PTPRN2: variants seen among roughly 807,000 people sequenced by gnomAD.
The protein encoded by PTPRN2 is receptor-type tyrosine-protein phosphatase N2.
In PTPRN2, 74 loss-of-function variants were observed where a neutral mutation model predicts 118.8. That is an observed-to-expected ratio of 0.62 (90% confidence interval 0.52 to 0.76). PTPRN2 has a LOEUF of 0.76. PTPRN2 is among the 30% of genes least tolerant of loss of function. PTPRN2 has a pLI of 0.00. For synonymous variants in PTPRN2, 641 were observed against 608.0 expected (o/e 1.05, Z -0.80); for missense variants, 1,481 against 1,394.4 (o/e 1.06, Z -0.99).
intron 11 of PTPRN2, among the ~76,000 whole-genome samples, chr7:158,008,311 T>C (rs1402284460): frequency 6.6e-6 from 1 of 152,226 alleles, no homozygotes; most frequent in Admixed American, 6.5e-5. Context: ...TATGGAATAA[T>C]TGCCCATTCT....
chr7:157,656,406 T>A lies in PTPRN2; in HGVS notation c.2147A>T (p.Glu716Val). Residue 716 changes from glutamate to valine, a missense_variant, in exon 14 of 23, where the codon GAG becomes GTG. By Grantham distance (121) the Glu-to-Val change is moderately radical. This residue lies in a region of PTPRN2 where 1,115 missense variants were observed against 994.2 expected (regional missense o/e 1.12). Coordinates refer to ENST00000389418, the MANE Select transcript of PTPRN2 (RefSeq NM_002847.5). ...SARSSASSWS[E>V]EPVQSNMDIS... The stretch of plus-strand genomic sequence containing the variant: ...GTCCATGTTGGACTGCACAGGCTCC[T>A]CGGACCAGGATGAGGCGCTGCTGCG... 1.9e-6 allele frequency: 3 copies of A among 1,552,986 alleles called. No individual in the cohort carries two copies. The highest frequency in any genetic ancestry group is 1.7e-6 in the Non-Finnish European group (2 of 1,147,970).
intron 12 of PTPRN2, among the ~76,000 whole-genome samples, chr7:157,713,612 G>T (rs965296394): frequency 2.0e-4 from 30 of 152,322 alleles, no homozygotes; most frequent in African/African-American, 7.2e-4. Flanking sequence ...ATACGGCCTA[G>T]GATCTCACCA....
At chr7:158,301,023 G>A (rs1800850876) in intron 3 of PTPRN2, among the ~76,000 whole-genome samples, 1 of 152,164 alleles carries the variant, frequency 6.6e-6, no homozygotes, top group South Asian at 2.1e-4. Flanking sequence ...AACCAGCAAC[G>A]CACGATATAC....
At chr7:158,164,785 A>G (rs1822776991) in intron 6 of PTPRN2, among the ~76,000 whole-genome samples, 1 of 152,134 alleles carries the variant, frequency 6.6e-6, no homozygotes, top group Non-Finnish European at 1.5e-5. Context: ...ACCCCACTAG[A>G]AGGAGTATAG....
intron 13 of PTPRN2, among the ~76,000 whole-genome samples, chr7:157,672,784 C>T (rs2150784358): frequency 6.6e-6 from 1 of 152,320 alleles, no homozygotes; most frequent in East Asian, 1.9e-4. Context: ...AAGTTTAAAC[C>T]TGTATATCAA....
At chr7:158,586,747 G>A (rs1828945885) in intron 1 of PTPRN2, among the ~76,000 whole-genome samples, 3 of 152,228 alleles carry the variant, frequency 2.0e-5, no homozygotes, top group Admixed American at 2.0e-4. Flanking sequence ...TTTCGGCGGC[G>A]CTGCCCGCGG....
intron 1 of PTPRN2, among the ~76,000 whole-genome samples, chr7:158,577,197 G>GACAGC (rs1187750187): frequency 9.2e-6 from 1 of 108,522 alleles, no homozygotes; most frequent in Non-Finnish European, 1.9e-5. Context: ...TGATGCCACA[G>GACAGC]ACAGCATGGG....
intron 5 of PTPRN2, among the ~76,000 whole-genome samples, chr7:158,181,114 T>G (rs1029481976): frequency 6.6e-6 from 1 of 152,328 alleles, no homozygotes; most frequent in Middle Eastern, 3.4e-3. Context: ...GGTAAGTCCC[T>G]TCTGTGCCGA....
intron 1 of PTPRN2, among the ~76,000 whole-genome samples, chr7:158,519,344 G>A (rs1281072743): frequency 6.6e-6 from 1 of 152,166 alleles, no homozygotes; most frequent in East Asian, 1.9e-4. Flanking sequence ...AGTTGGCCAT[G>A]ACAGTTAAAT....
chr7:157,544,409 T>C (rs1403664111), intron 22 of PTPRN2, among the ~76,000 whole-genome samples: 1 of 151,528 alleles, frequency 6.6e-6, no homozygotes, highest in East Asian at 2.0e-4. Context: ...AGGAGGAGGC[T>C]GAGGTCAGGC....
chr7:158,333,486 C>A (rs1209434628), intron 2 of PTPRN2, among the ~76,000 whole-genome samples: 41 of 147,908 alleles, frequency 2.8e-4, no homozygotes, highest in African/African-American at 1.0e-3. Flanking sequence ...AGAGGTGACA[C>A]CTGGAGACGT....
At chr7:158,062,162 G>A (rs1810397428) in intron 11 of PTPRN2, among the ~76,000 whole-genome samples, 1 of 152,276 alleles carries the variant, frequency 6.6e-6, no homozygotes, top group African/African-American at 2.4e-5. Flanking sequence ...ATCTGAGGTG[G>A]CTTCGCATCA....
chr7:157,665,261 C>T (rs1563321948), intron 13 of PTPRN2, among the ~76,000 whole-genome samples: 1 of 152,238 alleles, frequency 6.6e-6, no homozygotes, highest in Non-Finnish European at 1.5e-5. Context: ...TGATCCGCGA[C>T]TATGCACCTT....
At chr7:157,776,870 C>G (rs1339438282) in intron 12 of PTPRN2, among the ~76,000 whole-genome samples, 2 of 139,888 alleles carry the variant, frequency 1.4e-5, no homozygotes, top group Non-Finnish European at 3.1e-5. Context: ...CCCTCTCCTC[C>G]TCCTCCCTCT....
Position 157,674,723 on chromosome 7 carries a change from G to A in PTPRN2, c.2001+8002C>T, listed in dbSNP as rs1403776374. Among the ~76,000 whole-genome samples the A allele has an allele frequency of 1.3e-5, 2 of 152,166 alleles. No individual in the cohort carries two copies. Among genetic ancestry groups the A allele is most frequent in the Admixed American group, 6.5e-5 (1 of 15,290 alleles). On this transcript the variant is annotated intron_variant, in intron 13 of 22. Coordinates refer to ENST00000389418, the MANE Select transcript of PTPRN2 (RefSeq NM_002847.5). The surrounding 1 kb of genome is among the most constrained non-coding windows in gnomAD (Gnocchi z 4.5). ...TGAGGACCCTCGGCCCCAAGGTGAG[G>A]CCCCGCGCAGGTACCTCTGTACACG...
chr7:158,571,542 TTTTTC>T (rs1287551465), intron 1 of PTPRN2, among the ~76,000 whole-genome samples: 6 of 144,836 alleles, frequency 4.1e-5, no homozygotes, highest in African/African-American at 1.0e-4. Flanking sequence ...TTTTTTTTTT[TTTTTC>T]TTTTGAGCAG....
chr7:158,042,780 C>T (rs1384738605), intron 11 of PTPRN2, among the ~76,000 whole-genome samples: 1 of 152,186 alleles, frequency 6.6e-6, no homozygotes, highest in African/African-American at 2.4e-5. Flanking sequence ...ATCTGCTGCC[C>T]ACTGTGCCAG....
chr7:158,200,299 C>A (rs1418097991), intron 4 of PTPRN2, among the ~76,000 whole-genome samples: 2 of 152,104 alleles, frequency 1.3e-5, no homozygotes, highest in Non-Finnish European at 2.9e-5. Context: ...AAATGGAATC[C>A]AAGACAACAA....
intron 12 of PTPRN2, among the ~76,000 whole-genome samples, chr7:157,700,144 GC>G (rs1275902334): frequency 6.6e-6 from 1 of 152,178 alleles, no homozygotes; most frequent in Non-Finnish European, 1.5e-5. Context: ...CGTTTTCTAA[GC>G]TTTTTCACTT....
Sources: gnomAD v4.1 joint callset for allele counts (sites outside exome capture counted in the v4.1 genomes callset) on GRCh38, gnomAD v4.1.1 for gene constraint, gnomAD v4.1.1 regional missense constraint, Gnocchi (gnomAD v3.1) non-coding constraint, MANE v1.5 for transcripts, NCBI Gene and HGNC (gene_info 2026-07-23, HGNC 2026-07-21) for gene names.